TENM2: variants seen among roughly 807,000 people sequenced by gnomAD.
TENM2 encodes teneurin transmembrane protein 2, also known as teneurin-2.
In TENM2, 52 loss-of-function variants were observed where a neutral mutation model predicts 245.2. The observed-to-expected ratio is 0.21, with a 90% CI of 0.17 to 0.27. The LOEUF (loss-of-function observed/expected upper bound fraction) is 0.27, where lower values mean the gene tolerates loss of function less well. Ranked by LOEUF, TENM2 falls within the 10% of genes least tolerant of loss-of-function variation. The pLI, the probability that TENM2 is intolerant of heterozygous loss-of-function variation, is 1.00. For missense variants in TENM2, 3,046 were observed against 3,666.8 expected (o/e 0.83, Z 4.37); for synonymous variants, 1,363 against 1,438.9 (o/e 0.95, Z 1.19).
intron 1 of TENM2, among the ~76,000 whole-genome samples, chr5:167,318,683 G>A (rs1442014257): frequency 6.6e-6 from 1 of 152,080 alleles, no homozygotes; most frequent in Non-Finnish European, 1.5e-5. Context: ...AATGTTTGGA[G>A]GTTTTATTCA....
chr5:167,185,570 C>G, the TENM2 span, among the ~76,000 whole-genome samples: 1 of 151,916 alleles, frequency 6.6e-6, no homozygotes, highest in Non-Finnish European at 1.5e-5. Flanking sequence ...GCATCTATAA[C>G]CCATCAGCGA....
chr5:167,855,065 G>A (rs1433188946), intron 2 of TENM2, among the ~76,000 whole-genome samples: 1 of 152,166 alleles, frequency 6.6e-6, no homozygotes, highest in Admixed American at 6.5e-5. Flanking sequence ...GTCTCACCCA[G>A]AGTAAAAGTC....
intron 2 of TENM2, among the ~76,000 whole-genome samples, chr5:167,560,856 C>T (rs938317115): frequency 2.0e-5 from 3 of 152,162 alleles, no homozygotes; most frequent in South Asian, 4.1e-4. Flanking sequence ...GTTGATTTTC[C>T]TCCCCAGGGG....
chr5:167,736,149 C>T (rs886234071), intron 2 of TENM2, among the ~76,000 whole-genome samples: 1 of 152,060 alleles, frequency 6.6e-6, no homozygotes, highest in African/African-American at 2.4e-5. Context: ...CCTTCCTTCA[C>T]ATGGCAGCAG....
chr5:167,833,579 C>T (rs1040167151), intron 2 of TENM2, among the ~76,000 whole-genome samples: 6 of 152,232 alleles, frequency 3.9e-5, no homozygotes, highest in African/African-American at 1.4e-4. Context: ...CGAACCTTAT[C>T]GCAGTCTTTG....
chr5:167,817,847 G>A (rs558785424), intron 2 of TENM2, among the ~76,000 whole-genome samples: 1 of 152,286 alleles, frequency 6.6e-6, no homozygotes, highest in Admixed American at 6.5e-5. Flanking sequence ...TTCCAGCCCA[G>A]CTCTGCTGGG....
chr5:168,233,269 G>A (rs10068509), intron 25 of TENM2, among the ~76,000 whole-genome samples: 2 of 151,996 alleles, frequency 1.3e-5, no homozygotes, highest in Non-Finnish European at 2.9e-5. Context: ...GAGGTTGCAG[G>A]GAGCCAAGAT....
chr5:167,920,076 G>A (rs1777235458), intron 3 of TENM2, among the ~76,000 whole-genome samples: 1 of 152,142 alleles, frequency 6.6e-6, no homozygotes, highest in Non-Finnish European at 1.5e-5. Flanking sequence ...GAGGCTATGG[G>A]AGGCACAATT....
At chr5:167,309,618 C>A (rs1325880345) in intron 1 of TENM2, among the ~76,000 whole-genome samples, 3 of 152,126 alleles carry the variant, frequency 2.0e-5, no homozygotes, top group Admixed American at 1.3e-4. Flanking sequence ...TTTAGAACCT[C>A]AAAACCAGGC....
intron 2 of TENM2, among the ~76,000 whole-genome samples, chr5:167,437,008 C>T (rs1292517879): frequency 1.3e-5 from 2 of 152,156 alleles, no homozygotes; most frequent in African/African-American, 2.4e-5. Context: ...GGGTTGGAGC[C>T]CCCTCACAGA....
chr5:168,180,669 GTGAATCACC>G (rs1562252274), intron 13 of TENM2, among the ~76,000 whole-genome samples: 1 of 152,200 alleles, frequency 6.6e-6, no homozygotes, highest in Admixed American at 6.5e-5. Context: ...GCCAAGGCGG[GTGAATCACC>G]TGAAGTCAGG....
intron 2 of TENM2, among the ~76,000 whole-genome samples, chr5:167,593,378 T>C (rs1029055460): frequency 1.3e-5 from 2 of 152,246 alleles, no homozygotes; most frequent in Non-Finnish European, 2.9e-5. Context: ...CCCTCTTTTG[T>C]AGACCTTCTT....
intron 2 of TENM2, among the ~76,000 whole-genome samples, chr5:167,584,319 A>G (rs1044825949): frequency 5.9e-5 from 9 of 152,194 alleles, no homozygotes; most frequent in African/African-American, 1.4e-4. Flanking sequence ...GAGGTTTCCC[A>G]TTGGTTACTT....
intron 6 of TENM2, among the ~76,000 whole-genome samples, chr5:168,059,711 G>A (rs1333381380): frequency 6.6e-6 from 1 of 152,064 alleles, no homozygotes; most frequent in African/African-American, 2.4e-5. Flanking sequence ...CCAGTTTATA[G>A]TAATGAGAGC....
chr5:167,266,942 C>T, the TENM2 span, among the ~76,000 whole-genome samples: 11 of 152,282 alleles, frequency 7.2e-5, no homozygotes, highest in East Asian at 1.4e-3. Flanking sequence ...GGACACATGT[C>T]GTTCTATGTG....
At chr5:166,994,299 A>C in the TENM2 span, among the ~76,000 whole-genome samples, 1 of 152,182 alleles carries the variant, frequency 6.6e-6, no homozygotes, top group African/African-American at 2.4e-5. Flanking sequence ...AAAGGGGCTA[A>C]TATTGTGGGC....
intron 2 of TENM2, among the ~76,000 whole-genome samples, chr5:167,582,543 G>A (rs1375543928): frequency 6.6e-6 from 1 of 152,144 alleles, no homozygotes. Flanking sequence ...GTGAAATGAT[G>A]ATAGTCGACT....
At chr5:167,530,185 C>T (rs932574468) in intron 2 of TENM2, among the ~76,000 whole-genome samples, 3 of 152,120 alleles carry the variant, frequency 2.0e-5, no homozygotes, top group African/African-American at 7.2e-5. Flanking sequence ...TTTTTCTATT[C>T]ATTTTTATTA....
the TENM2 span, among the ~76,000 whole-genome samples, chr5:167,101,849 T>TTATATATATA: frequency 3.7e-3 from 257 of 69,410 alleles, 11 homozygotes; most frequent in Middle Eastern, 8.9e-3. Context: ...ATATATATAT[T>TTATATATATA]TATATATATA....
Sources: gnomAD v4.1 joint callset for allele counts (sites outside exome capture counted in the v4.1 genomes callset) on GRCh38, gnomAD v4.1.1 for gene constraint, MANE v1.5 for transcripts, NCBI Gene and HGNC (gene_info 2026-07-23, HGNC 2026-07-21) for gene names.